PACS2: variants seen among roughly 807,000 people sequenced by gnomAD.
PACS2 encodes phosphofurin acidic cluster sorting protein 2, also known as PACS1-like protein.
A neutral mutation model predicts 113.0 loss-of-function variants in PACS2; 36 were observed. That is an observed-to-expected ratio of 0.32 (90% confidence interval 0.24 to 0.42). The LOEUF is 0.42. Among genes scored for constraint, PACS2 ranks in the 10% least tolerant of loss-of-function variants. The pLI is 1.00. For synonymous variants in PACS2, 589 were observed against 536.1 expected (o/e 1.10, Z -1.36); for missense variants, 1,015 against 1,239.5 (o/e 0.82, Z 2.72).
intron 1 of PACS2, among the ~76,000 whole-genome samples, chr14:105,337,271 C>T (rs2059563923): frequency 6.6e-6 from 1 of 152,096 alleles, no homozygotes; most frequent in Admixed American, 6.5e-5. Context: ...CTGGTGATGC[C>T]AGGGGCCGGG....
intron 4 of PACS2, among the ~76,000 whole-genome samples, chr14:105,364,454 G>A (rs1300761483): frequency 2.3e-4 from 31 of 136,734 alleles, no homozygotes; most frequent in Non-Finnish European, 3.1e-4. Context: ...TCCCGGGTGC[G>A]CGGTGGGCGG....
chr14:105,390,088 G>A (rs1566970138), intron 20 of PACS2, 85 bp downstream of exon 20: 3 of 1,192,372 alleles, frequency 2.5e-6, no homozygotes, highest in South Asian at 1.2e-5. Flanking sequence ...GGATTGACTC[G>A]ATATATTCCA....
chr14:105,391,813 A>G, intron 22 of PACS2, 47 bp downstream of exon 22: 1 of 1,533,016 alleles, frequency 6.5e-7, no homozygotes, highest in Non-Finnish European at 8.8e-7. Context: ...CCGCCCCACC[A>G]CATGCTGCCT....
chr14:105,394,932 C>T lies in PACS2; in HGVS notation c.*260C>T, dbSNP rs141682124. ...ATGCTGAGCCATGGATCGCGGAAGG[C>T]GTCCTCTGGCCTCAGGAGCCACCCA... On this transcript the variant is annotated 3_prime_UTR_variant, in exon 25 of 25. Transcript: ENST00000447393. 482 of 427,192 alleles carry T rather than the reference C, an allele frequency of 1.1e-3. 1 individual carries two copies. Among genetic ancestry groups the T allele is most frequent in the African/African-American group, 8.7e-3 (433 of 49,700 alleles). 26.5% of individuals were successfully genotyped at this position (427,192 alleles called of 1,614,324 possible).
rs1483320662 is a variant in PACS2 at position 105,357,002 on chromosome 14, G to C, written c.423+1825G>C. Among the ~76,000 whole-genome samples, 3 of 149,882 alleles carry C rather than the reference G, an allele frequency of 2.0e-5. No individual in the cohort carries two copies. Among genetic ancestry groups the C allele is most frequent in the Non-Finnish European group, 3.0e-5 (2 of 67,620 alleles). On this transcript the variant is annotated intron_variant, in intron 4 of 24. Transcript: ENST00000447393. The surrounding 1 kb of genome is among the most constrained non-coding windows in gnomAD (Gnocchi z 5.1). Reference sequence around the variant, plus strand: ...AGGCGATGTCCTGCTGATCCCTGCTGGTCCCTGTGTAGCCATGCAGGTGAT... The same window carrying C: ...AGGCGATGTCCTGCTGATCCCTGCTCGTCCCTGTGTAGCCATGCAGGTGAT...
chr14:105,335,016 T>C (rs2059456707), intron 1 of PACS2, among the ~76,000 whole-genome samples: 1 of 152,198 alleles, frequency 6.6e-6, no homozygotes, highest in Admixed American at 6.5e-5. Context: ...TGTAGGAACA[T>C]GGAATGGCCC....
In PACS2 at chr14:105,358,452, G is replaced by A. The variant is rs1387154717; in HGVS notation, c.423+3275G>A. Among the ~76,000 whole-genome samples the A allele has an allele frequency of 6.6e-6, 1 of 152,182 alleles. No homozygotes were observed. Among genetic ancestry groups the A allele is most frequent in the African/African-American group, 2.4e-5 (1 of 41,444 alleles). On this transcript the variant is annotated intron_variant, in intron 4 of 24. Coordinates refer to ENST00000447393, the MANE Select transcript of PACS2 (RefSeq NM_001100913.3). The surrounding 1 kb of genome is among the most constrained non-coding windows in gnomAD (Gnocchi z 4.9). ...GGCAGACGTGGGGCCTTCTCCTGTG[G>A]TGTGGCTCTCAGAACTCACCCCAGC... is the stretch of plus-strand genomic sequence containing the variant.
At position 105,376,900 on chromosome 14, in the gene PACS2, C is replaced by T; in HGVS notation, c.934C>T (p.Leu312Phe). 1 of 1,611,288 alleles carries T rather than the reference C, an allele frequency of 6.2e-7. No homozygotes were observed. The highest frequency in any genetic ancestry group is 8.5e-7 in the Non-Finnish European group (1 of 1,178,958). Residue 312 changes from leucine (L) to phenylalanine (F), a missense_variant, in exon 9 of 25, where the codon CTC becomes TTC. Around this residue, in one of 3 missense-constraint regions of PACS2, gnomAD observed 859 missense variants for 1,056.8 expected, o/e 0.81. Transcript: ENST00000447393. The surrounding 1 kb of genome is among the most constrained non-coding windows in gnomAD (Gnocchi z 4.7). The stretch of plus-strand genomic sequence containing the variant: ...CGACATGGAGGATGACGACAGCGTC[C>T]TCAGCACCCCCAAGCCGAAGCTGCG... The part of the protein sequence containing the change: ...GPDMEDDDSV[L>F]STPKPKLRPY...
At position 105,394,579 on chromosome 14, in the gene PACS2, C is replaced by T. The variant is rs782503189; in HGVS notation, c.2622C>T (p.Ser874=). Reference sequence around the variant, plus strand: ...TCCTCATCGACGGCGTGGAGTGCAGCGACGTCAAGTTCTTCCAGCTGGCCG... The same window carrying T: ...TCCTCATCGACGGCGTGGAGTGCAGTGACGTCAAGTTCTTCCAGCTGGCCG... ...LRVLIDGVEC[S]DVKFFQLAAQ... Residue 874 remains serine, a synonymous_variant, in exon 25 of 25, where the codon AGC becomes AGT. Transcript: ENST00000447393. The T allele has an allele frequency of 1.7e-5, 27 of 1,613,074 alleles. No individual in the cohort carries two copies. Among genetic ancestry groups the T allele is most frequent in the Middle Eastern group, 3.3e-4 (2 of 6,084 alleles).
chr14:105,310,921 A>G (rs1320803787), upstream of PACS2, among the ~76,000 whole-genome samples: 2 of 152,228 alleles, frequency 1.3e-5, no homozygotes, highest in African/African-American at 4.8e-5. Flanking sequence ...TAACATGTAA[A>G]TACATACTGC....
At chr14:105,319,057 C>T (rs183938816) in intron 1 of PACS2, among the ~76,000 whole-genome samples, 123 of 152,196 alleles carry the variant, frequency 8.1e-4, no homozygotes, top group African/African-American at 2.7e-3. Flanking sequence ...AAGCAATTCT[C>T]CTGCCTCAGC....
chr14:105,314,116 C>T (rs866731299), upstream of PACS2, among the ~76,000 whole-genome samples: 14 of 152,240 alleles, frequency 9.2e-5, no homozygotes, highest in Admixed American at 4.6e-4. Flanking sequence ...CTTCGAGTCC[C>T]CGCGACCGCC....
intron 7 of PACS2, among the ~76,000 whole-genome samples, chr14:105,369,125 T>C (rs2061056252): frequency 6.6e-6 from 1 of 152,356 alleles, no homozygotes; most frequent in African/African-American, 2.4e-5. Context: ...ACAAGGGACA[T>C]GGGCACAGCC....
At chr14:105,391,521 G>GC in intron 21 of PACS2, 110 bp from the exon 22 acceptor site, 3 of 413,372 alleles carry the variant, frequency 7.3e-6, no homozygotes, top group Non-Finnish European at 1.4e-5. Context: ...CTCCCACCCT[G>GC]CCCACCCCCA....
At chr14:105,367,178 G>T (rs782717530) in intron 4 of PACS2, 35 bp from the exon 5 acceptor site, 3 of 1,599,144 alleles carry the variant, frequency 1.9e-6, no homozygotes, top group Middle Eastern at 3.3e-4. Context: ...CCTTCCCGTC[G>T]TGCTGCTTTC....
At chr14:105,391,308 G>C (rs367870997) in intron 21 of PACS2, 59 bp downstream of exon 21, 1 of 1,262,944 alleles carries the variant, frequency 7.9e-7, no homozygotes, top group Non-Finnish European at 1.2e-6. Context: ...GCAGGAGCAC[G>C]GTCATTCGAG....
intron 19 of PACS2, among the ~76,000 whole-genome samples, chr14:105,387,648 C>T (rs1332977866): frequency 2.0e-5 from 3 of 152,250 alleles, no homozygotes; most frequent in Admixed American, 6.5e-5. Flanking sequence ...GGCCCAGAGG[C>T]GCAGCTTGGC....
Position 105,330,120 on chromosome 14 carries a change from G to A in PACS2, c.119+15083G>A, listed in dbSNP as rs2059249232. Among the ~76,000 whole-genome samples the A allele has an allele frequency of 6.6e-6, 1 of 150,432 alleles. No individual in the cohort carries two copies. Among genetic ancestry groups the A allele is most frequent in the Non-Finnish European group, 1.5e-5 (1 of 67,586 alleles). On this transcript the variant is annotated intron_variant, in intron 1 of 24. Transcript: ENST00000447393. The surrounding 1 kb of genome is among the most constrained non-coding windows in gnomAD (Gnocchi z 6.9). Reference sequence around the variant, plus strand: ...AGCCTCCGAGAAGCCTGGGGTCCGTGTGTGGGAAGGAACGGGGACAGGGAG... The same window carrying A: ...AGCCTCCGAGAAGCCTGGGGTCCGTATGTGGGAAGGAACGGGGACAGGGAG...
chr14:105,316,091 C>T (rs1443477801), intron 1 of PACS2, among the ~76,000 whole-genome samples: 1 of 152,212 alleles, frequency 6.6e-6, no homozygotes, highest in Non-Finnish European at 1.5e-5. Flanking sequence ...GTTGGAGTTG[C>T]AGAGCCGCTG....
Sources: allele counts gnomAD v4.1 joint callset (sites outside exome capture counted in the v4.1 genomes callset), GRCh38; gene constraint gnomAD v4.1.1; regional missense constraint gnomAD v4.1.1; non-coding constraint Gnocchi (gnomAD v3.1); transcripts MANE v1.5; gene names NCBI Gene and HGNC (gene_info 2026-07-23, HGNC 2026-07-21).